RICTOR: variants seen among roughly 807,000 people sequenced by gnomAD.
RICTOR encodes the protein RPTOR independent companion of MTOR complex 2.
A neutral mutation model predicts 214.9 loss-of-function variants in RICTOR; 49 were observed. That is an observed-to-expected ratio of 0.23 (90% CI 0.18 to 0.29). The LOEUF (loss-of-function observed/expected upper bound fraction) is 0.29. Ranked by LOEUF, RICTOR falls within the 10% of genes least tolerant of loss-of-function variation. RICTOR has a pLI of 1.00. For missense variants in RICTOR, 1,625 were observed against 2,047.0 expected (o/e 0.79, Z 3.98); for synonymous variants, 717 against 711.3 (o/e 1.01, Z -0.13).
At chr5:39,068,347 C>A (rs964388621) in intron 2 of RICTOR, among the ~76,000 whole-genome samples, 3 of 152,164 alleles carry the variant, frequency 2.0e-5, no homozygotes, top group Admixed American at 1.3e-4. Flanking sequence ...GGGGTTGGTG[C>A]TTTAGACTGG....
At chr5:38,971,821 T>C (rs1750812470) in intron 11 of RICTOR, 56 bp downstream of exon 11, 1 of 750,500 alleles carries the variant, frequency 1.3e-6, no homozygotes, top group Non-Finnish European at 2.3e-6. Context: ...TTTTTTATAA[T>C]TAATTCCCAC....
intron 28 of RICTOR, 74 bp from the exon 29 acceptor site, chr5:38,953,165 C>G: frequency 1.0e-6 from 1 of 990,668 alleles, no homozygotes; most frequent in Non-Finnish European, 1.5e-6. Flanking sequence ...TACCAAGAAA[C>G]AAATTTAACC....
chr5:39,065,234 C>T (rs1327424837), intron 2 of RICTOR, among the ~76,000 whole-genome samples: 1 of 152,180 alleles, frequency 6.6e-6, no homozygotes, highest in Non-Finnish European at 1.5e-5. Context: ...AGGCATCTCA[C>T]ATGGCAGAGC....
chr5:38,998,428 C>T (rs1753339467), intron 5 of RICTOR, among the ~76,000 whole-genome samples: 1 of 152,140 alleles, frequency 6.6e-6, no homozygotes, highest in African/African-American at 2.4e-5. Flanking sequence ...CTCAAGTGAT[C>T]TGCCCGCCTA....
intron 2 of RICTOR, among the ~76,000 whole-genome samples, chr5:39,047,362 T>A (rs773615798): frequency 7.9e-5 from 12 of 152,156 alleles, no homozygotes; most frequent in Non-Finnish European, 1.8e-4. Context: ...ATAGGGTTCA[T>A]GTTCCTATGA....
intron 2 of RICTOR, among the ~76,000 whole-genome samples, chr5:39,031,239 C>T (rs913199803): frequency 3.3e-5 from 5 of 152,066 alleles, no homozygotes; most frequent in Admixed American, 6.5e-5. Context: ...TGTTGATAAC[C>T]GCCTTAAAGA....
chr5:38,948,280 T>C (rs1748408684), intron 31 of RICTOR, among the ~76,000 whole-genome samples: 1 of 152,162 alleles, frequency 6.6e-6, no homozygotes, highest in Admixed American at 6.6e-5. Flanking sequence ...AATCAAATAA[T>C]TATTTTGTAA....
chr5:38,989,103 C>T (rs1384871371), intron 7 of RICTOR, among the ~76,000 whole-genome samples: 1 of 152,150 alleles, frequency 6.6e-6, no homozygotes, highest in Non-Finnish European at 1.5e-5. Context: ...TGCTACCTGA[C>T]CTCAAACTAT....
chr5:38,980,689 T>C (rs1055063886), intron 8 of RICTOR, among the ~76,000 whole-genome samples: 2 of 151,878 alleles, frequency 1.3e-5, no homozygotes, highest in African/African-American at 4.8e-5. Context: ...CTACAAAAAA[T>C]ACAAAAATTA....
intron 2 of RICTOR, among the ~76,000 whole-genome samples, chr5:39,073,796 T>G (rs1394997324): frequency 1.3e-5 from 2 of 152,062 alleles, no homozygotes; most frequent in Admixed American, 6.5e-5. Context: ...CCGGGATAGG[T>G]GCAAACCACT....
In RICTOR at chr5:38,950,461, C is replaced by T. The variant is rs1461334193; in HGVS notation, c.3387G>A (p.Arg1129=). The T allele has an allele frequency of 1.2e-6, 2 of 1,613,502 alleles. No individual in the cohort carries two copies. The highest frequency in any genetic ancestry group is 1.7e-4 in the Middle Eastern group (1 of 6,060). ...KLSSESKTSN[R]RIRTLTEPSV... is the part of the protein sequence containing the mutation. ...TGGGCTCCGTAAGTGTTCTGATTCG[C>T]CTGTTGCTTGTCTTACTTTCAGATG... The change falls in exon 31 of 38, where the codon AGG becomes AGA. Residue 1129 remains arginine, a synonymous_variant. Coordinates refer to ENST00000357387, the MANE Select transcript of RICTOR (RefSeq NM_152756.5).
At chr5:39,048,874 C>T (rs923201055) in intron 2 of RICTOR, among the ~76,000 whole-genome samples, 1 of 151,954 alleles carries the variant, frequency 6.6e-6, no homozygotes, top group Non-Finnish European at 1.5e-5. Context: ...GAATTTGTTA[C>T]GCATAAAGTT....
intron 2 of RICTOR, among the ~76,000 whole-genome samples, chr5:39,028,483 G>C (rs1400625947): frequency 6.6e-6 from 1 of 152,030 alleles, no homozygotes; most frequent in Non-Finnish European, 1.5e-5. Context: ...CGCCCGGCCT[G>C]GAATTCTTAC....
At chr5:39,036,754 CAAG>C (rs1561557864) in intron 2 of RICTOR, among the ~76,000 whole-genome samples, 1 of 152,164 alleles carries the variant, frequency 6.6e-6, no homozygotes, top group Admixed American at 6.5e-5. Context: ...ATAAATTCAA[CAAG>C]AAGAGCTAAG....
At chr5:39,012,529 G>A (rs1754612460) in intron 3 of RICTOR, among the ~76,000 whole-genome samples, 1 of 152,174 alleles carries the variant, frequency 6.6e-6, no homozygotes, top group South Asian at 2.1e-4. Flanking sequence ...ATCCTGCGAA[G>A]CCTCTACTAA....
intron 2 of RICTOR, among the ~76,000 whole-genome samples, chr5:39,065,218 G>A (rs1015481152): frequency 3.3e-5 from 5 of 152,160 alleles, no homozygotes; most frequent in East Asian, 1.9e-4. Context: ...AAGACGAAGC[G>A]TGTGCAGGCA....
intron 2 of RICTOR, among the ~76,000 whole-genome samples, chr5:39,028,866 C>T (rs1232104162): frequency 4.6e-5 from 7 of 151,976 alleles, no homozygotes; most frequent in African/African-American, 1.7e-4. Flanking sequence ...CCACTGCACT[C>T]CAGCTCGGGT....
intron 29 of RICTOR, among the ~76,000 whole-genome samples, chr5:38,952,771 A>G (rs1485855015): frequency 2.0e-5 from 3 of 151,990 alleles, no homozygotes; most frequent in African/African-American, 7.2e-5. Flanking sequence ...TGTTACCTAC[A>G]AGGTAAACTT....
chr5:38,967,742 G>C (rs958645199), intron 12 of RICTOR, among the ~76,000 whole-genome samples: 4 of 152,014 alleles, frequency 2.6e-5, no homozygotes, highest in African/African-American at 9.7e-5. Context: ...ATTGCTCTTA[G>C]AGCCAAGGTG....
Sources: gnomAD v4.1 joint callset for allele counts (sites outside exome capture counted in the v4.1 genomes callset) on GRCh38, gnomAD v4.1.1 for gene constraint, MANE v1.5 for transcripts, NCBI Gene and HGNC (gene_info 2026-07-23, HGNC 2026-07-21) for gene names.